Variants in DPYS observed in about 807,000 individuals in gnomAD.
DPYS encodes the protein dihydropyrimidinase.
Under a neutral mutation model 50.3 loss-of-function variants are expected in DPYS, and 39 were observed. That is an observed-to-expected ratio of 0.78 (90% confidence interval 0.60 to 1.01). The LOEUF (loss-of-function observed/expected upper bound fraction) is 1.01, where lower values mean the gene tolerates loss of function less well. Among genes scored for constraint, DPYS ranks in the 50% least tolerant of loss-of-function variants. DPYS has a pLI of 0.00. For missense variants in DPYS, 659 were observed against 680.9 expected (o/e 0.97, Z 0.36); for synonymous variants, 245 against 250.7 (o/e 0.98, Z 0.22).
At chr8:104,436,996 C>T (rs1293643738) in intron 4 of DPYS, among the ~76,000 whole-genome samples, 1 of 151,968 alleles carries the variant, frequency 6.6e-6, no homozygotes, top group South Asian at 2.1e-4. Context: ...TACCAAGACA[C>T]AAGTTTATTA....
intron 7 of DPYS, among the ~76,000 whole-genome samples, chr8:104,396,940 A>T (rs1157655841): frequency 6.6e-6 from 1 of 152,214 alleles, no homozygotes; most frequent in African/African-American, 2.4e-5. Flanking sequence ...TATGTAAATG[A>T]AGTCATATTA....
chr8:104,449,167 CT>C (rs148196240), intron 2 of DPYS, among the ~76,000 whole-genome samples: 98 of 152,206 alleles, frequency 6.4e-4, no homozygotes, highest in Middle Eastern at 3.4e-3. Flanking sequence ...GACAGTGCAC[CT>C]CATTTGTTCC....
intron 1 of DPYS, among the ~76,000 whole-genome samples, chr8:104,457,135 A>G (rs999411517): frequency 3.3e-5 from 5 of 152,238 alleles, no homozygotes; most frequent in Non-Finnish European, 5.9e-5. Flanking sequence ...AATAAAAAAT[A>G]GAACAATTAG....
At chr8:104,451,661 CAAAG>C (rs1315012457) in intron 1 of DPYS, among the ~76,000 whole-genome samples, 2 of 152,008 alleles carry the variant, frequency 1.3e-5, no homozygotes, top group Non-Finnish European at 2.9e-5. Flanking sequence ...GGATTTGACT[CAAAG>C]AAAACAGAGT....
chr8:104,391,971 T>C (rs759568712), intron 8 of DPYS, among the ~76,000 whole-genome samples: 2 of 152,086 alleles, frequency 1.3e-5, no homozygotes, highest in Non-Finnish European at 2.9e-5. Context: ...GAAGGAAACA[T>C]TGTTGTCATT....
chr8:104,437,653 A>G (rs1031252821), intron 4 of DPYS, among the ~76,000 whole-genome samples: 5 of 152,082 alleles, frequency 3.3e-5, no homozygotes, highest in African/African-American at 1.2e-4. Context: ...GAAATACCCA[A>G]TCAGCAGCCC....
At position 104,424,472 on chromosome 8, in the gene DPYS, TAAAC is replaced by T. The variant is rs945939925; in HGVS notation, c.1093-87_1093-84del. On this transcript the variant is annotated intron_variant, in intron 6 of 9. Transcript: ENST00000351513. ...ATAAAATGACAAGACTTGCATCTCT[TAAAC>T]AAACAGAACTGCACCTAATTTCTTA... 2.6e-5 allele frequency: 37 copies of T among 1,428,150 alleles called. No homozygotes were observed. In the African/African-American group the frequency reaches 3.0e-4, roughly 11 times the overall value. The allele number at this position is 1,428,150 out of a possible 1,614,324, so 88.5% of individuals were successfully genotyped here.
chr8:104,432,824 G>T (rs1335663191), intron 4 of DPYS, among the ~76,000 whole-genome samples: 1 of 152,150 alleles, frequency 6.6e-6, no homozygotes, highest in Non-Finnish European at 1.5e-5. Context: ...GTTTATGAAA[G>T]TACCCAGAAT....
chr8:104,435,841 A>G (rs1258764057), intron 4 of DPYS, among the ~76,000 whole-genome samples: 1 of 152,160 alleles, frequency 6.6e-6, no homozygotes, highest in Non-Finnish European at 1.5e-5. Context: ...TGAAAGAAGG[A>G]TCATGGCTGA....
At chr8:104,450,389 G>C (rs958944430) in intron 2 of DPYS, among the ~76,000 whole-genome samples, 1 of 152,114 alleles carries the variant, frequency 6.6e-6, no homozygotes, top group African/African-American at 2.4e-5. Context: ...CGAGTTTGTG[G>C]GGGATGTGAG....
chr8:104,393,116 C>A, intron 7 of DPYS, 125 bp from the exon 8 acceptor site: 2 of 792,874 alleles, frequency 2.5e-6, no homozygotes, highest in South Asian at 1.6e-5. Flanking sequence ...AGCTTCATCA[C>A]TGTAACAAGT....
At chr8:104,403,437 GCCT>G (rs1811892358) in intron 7 of DPYS, among the ~76,000 whole-genome samples, 1 of 104,406 alleles carries the variant, frequency 9.6e-6, no homozygotes, top group African/African-American at 4.2e-5. Context: ...CTTGGAAGCA[GCCT>G]GCCACCATCT....
At chr8:104,422,177 G>A (rs1812571465) in intron 7 of DPYS, among the ~76,000 whole-genome samples, 1 of 152,132 alleles carries the variant, frequency 6.6e-6, no homozygotes, top group Non-Finnish European at 1.5e-5. Context: ...ACATCAAATG[G>A]CCTCCTGAGA....
At chr8:104,387,351 A>ATAAG (rs1300484364) in intron 8 of DPYS, among the ~76,000 whole-genome samples, 5 of 152,154 alleles carry the variant, frequency 3.3e-5, no homozygotes, top group African/African-American at 9.7e-5. Context: ...AAATAAATAA[A>ATAAG]TAAACAAACA....
At chr8:104,420,651 A>G (rs1489245856) in intron 7 of DPYS, 8 of 149,634 alleles carry the variant, frequency 5.3e-5, no homozygotes, top group Non-Finnish European at 7.4e-5. Flanking sequence ...AAGAAATCCA[A>G]GGGAGGCTCA....
intron 1 of DPYS, among the ~76,000 whole-genome samples, chr8:104,453,306 A>C (rs1005945765): frequency 6.6e-6 from 1 of 152,194 alleles, no homozygotes; most frequent in Non-Finnish European, 1.5e-5. Context: ...TATTGATGTA[A>C]TGAAAATACT....
chr8:104,458,167 G>A (rs1813994719), intron 1 of DPYS, among the ~76,000 whole-genome samples: 1 of 152,162 alleles, frequency 6.6e-6, no homozygotes, highest in African/African-American at 2.4e-5. Context: ...CTCCAAGGTA[G>A]GAGGTATACC....
chr8:104,405,858 G>C (rs939807751), intron 7 of DPYS, among the ~76,000 whole-genome samples: 1 of 152,240 alleles, frequency 6.6e-6, no homozygotes, highest in African/African-American at 2.4e-5. Context: ...GCCCAGGAGG[G>C]CATGATGAGC....
At chr8:104,457,659 A>G (rs972693416) in intron 1 of DPYS, among the ~76,000 whole-genome samples, 1 of 152,200 alleles carries the variant, frequency 6.6e-6, no homozygotes. Context: ...CTTAATGAGA[A>G]AAGTTCGTGG....
Sources: gnomAD v4.1 joint callset for allele counts (sites outside exome capture counted in the v4.1 genomes callset) on GRCh38, gnomAD v4.1.1 for gene constraint, MANE v1.5 for transcripts, NCBI Gene and HGNC (gene_info 2026-07-23, HGNC 2026-07-21) for gene names.